The following SERPINB10 variants were observed in gnomAD, a reference collection of about 807,000 sequenced individuals.
SERPINB10 encodes the protein serpin family B member 10.
Under a neutral mutation model 39.1 loss-of-function variants are expected in SERPINB10, and 35 were observed. The observed-to-expected ratio is 0.90, with a 90% CI of 0.68 to 1.19. The LOEUF (loss-of-function observed/expected upper bound fraction) is 1.19, where lower values mean the gene tolerates loss of function less well. Ranked by LOEUF, SERPINB10 falls within the 50% of genes most tolerant of loss-of-function variation. The pLI, the probability that SERPINB10 is intolerant of heterozygous loss-of-function variation, is 0.00. For synonymous variants in SERPINB10, 190 were observed against 158.1 expected (o/e 1.20, Z -1.52); for missense variants, 546 against 460.5 (o/e 1.19, Z -1.70).
rs1036011008 is a variant in SERPINB10 at position 63,926,786 on chromosome 18, A to T, written c.491-3259A>T. Reference sequence around the variant, plus strand: ...TATTAAAACAACTGATGAAATTTAAATATGACCTGTCAATAATATTCTATT... The same window carrying T: ...TATTAAAACAACTGATGAAATTTAATTATGACCTGTCAATAATATTCTATT... On this transcript the variant is annotated intron_variant, in intron 5 of 7. Coordinates refer to ENST00000238508, the MANE Select transcript of SERPINB10 (RefSeq NM_005024.3). Among the ~76,000 whole-genome samples, 7 of 152,198 alleles carry T rather than the reference A, an allele frequency of 4.6e-5. No individual in the cohort carries two copies. The South Asian group carries it at 6.2e-4, about 14-fold the overall frequency.
At chr18:63,913,963 TATAG>T (rs1285892038) in intron 1 of SERPINB10, among the ~76,000 whole-genome samples, 1 of 202 alleles carries the variant, frequency 5.0e-3, no homozygotes, top group Admixed American at 0.17. Flanking sequence ...ATACGTTTAG[TATAG>T]TTAAGTCAGT....
chr18:63,913,786 G>T (rs1392234055), intron 1 of SERPINB10, among the ~76,000 whole-genome samples: 1 of 151,720 alleles, frequency 6.6e-6, no homozygotes, highest in Non-Finnish European at 1.5e-5. Context: ...TTATTAATAA[G>T]TTCAATTGGT....
chr18:63,908,092 G>C (rs1283088516), intron 1 of SERPINB10, 52 bp downstream of exon 1: 1 of 279,978 alleles, frequency 3.6e-6, no homozygotes, highest in African/African-American at 2.3e-5. Flanking sequence ...TTTCTTCTTG[G>C]TTGAAGTGCC....
At chr18:63,918,908 A>G (rs2050124939) in intron 4 of SERPINB10, among the ~76,000 whole-genome samples, 1 of 152,020 alleles carries the variant, frequency 6.6e-6, no homozygotes, top group South Asian at 2.1e-4. Flanking sequence ...AGATAGAGAC[A>G]AACATATTTT....
intron 7 of SERPINB10, 87 bp downstream of exon 7, chr18:63,933,290 C>T (rs2050237720): frequency 7.0e-7 from 1 of 1,422,976 alleles, no homozygotes; most frequent in Non-Finnish European, 9.8e-7. Flanking sequence ...TCCCAATTGT[C>T]CTCAGGAAGA....
chr18:63,908,057 T>C lies in SERPINB10; in HGVS notation c.-10+17T>C, dbSNP rs1258683793. 1 of 315,462 alleles carries C rather than the reference T, an allele frequency of 3.2e-6. No homozygotes were observed. Among genetic ancestry groups the C allele is most frequent in the Non-Finnish European group, 6.6e-6 (1 of 151,680 alleles). 19.5% of individuals were successfully genotyped at this position (315,462 alleles called of 1,614,324 possible). ...GAAAACAAGGTATTGTAAATATTTC[T>C]TTGGTTAATGATTTTATTTATGTTT... is the stretch of plus-strand genomic sequence containing the variant. On this transcript the variant is annotated intron_variant, in intron 1 of 7. Transcript: ENST00000238508.
intron 4 of SERPINB10, among the ~76,000 whole-genome samples, chr18:63,919,315 T>C (rs1159788229): frequency 6.6e-6 from 1 of 151,296 alleles, no homozygotes; most frequent in African/African-American, 2.4e-5. Flanking sequence ...CAGGATATCA[T>C]TTTCTTCAAG....
chr18:63,909,699 A>T (rs760165011), intron 1 of SERPINB10, among the ~76,000 whole-genome samples: 10 of 152,206 alleles, frequency 6.6e-5, no homozygotes, highest in Admixed American at 4.6e-4. Context: ...TTTCATGAAG[A>T]GTGTGGTTTG....
intron 1 of SERPINB10, among the ~76,000 whole-genome samples, chr18:63,909,297 C>T (rs373049702): frequency 9.9e-5 from 15 of 152,046 alleles, no homozygotes; most frequent in African/African-American, 3.4e-4. Flanking sequence ...CATTTGCAGT[C>T]TTCTCTGAAA....
At chr18:63,910,632 T>C (rs1005948041) in intron 1 of SERPINB10, among the ~76,000 whole-genome samples, 4 of 152,020 alleles carry the variant, frequency 2.6e-5, no homozygotes, top group Non-Finnish European at 5.9e-5. Flanking sequence ...CATGATTTAA[T>C]TCCTTCTTTC....
rs2050212890 is a variant in SERPINB10 at position 63,930,255 on chromosome 18, C to G, written c.633+68C>G. 5.9e-6 allele frequency: 9 copies of G among 1,527,912 alleles called. No homozygotes were observed. In the Admixed American group the frequency reaches 1.4e-4, roughly 24 times the overall value. The allele number at this position is 1,527,912 out of a possible 1,614,324, so 94.6% of individuals were successfully genotyped here. A position where few individuals can be genotyped will look rare whatever the true frequency, so the allele number is the denominator to read the frequency against. The stretch of plus-strand genomic sequence containing the variant: ...TGTACAAGTGATTCTCTTATAAATT[C>G]ACTCTTCTTTTAGATTGTATGTTCT... On this transcript the variant is annotated intron_variant, in intron 6 of 7. Coordinates refer to ENST00000238508, the MANE Select transcript of SERPINB10 (RefSeq NM_005024.3).
chr18:63,914,070 A>T (rs769723761), intron 1 of SERPINB10, among the ~76,000 whole-genome samples: 8 of 152,072 alleles, frequency 5.3e-5, no homozygotes, highest in Admixed American at 1.3e-4. Context: ...GTTGTATCTG[A>T]TATAAGAATA....
chr18:63,923,959 T>G (rs1171526956), intron 5 of SERPINB10, among the ~76,000 whole-genome samples: 1 of 151,982 alleles, frequency 6.6e-6, no homozygotes, highest in African/African-American at 2.4e-5. Flanking sequence ...TCTTTTCTCT[T>G]CAAGACTTAT....
At chr18:63,924,917 T>C (rs1297345530) in intron 5 of SERPINB10, among the ~76,000 whole-genome samples, 2 of 151,988 alleles carry the variant, frequency 1.3e-5, no homozygotes, top group Non-Finnish European at 2.9e-5. Context: ...ACAGCATTTT[T>C]GACTATAAAT....
At chr18:63,933,241 C>T (rs371788543) in intron 7 of SERPINB10, 38 bp downstream of exon 7, 1 of 1,609,268 alleles carries the variant, frequency 6.2e-7, no homozygotes, top group Non-Finnish European at 8.5e-7. Context: ...AGGGTGTTTC[C>T]AGTGTTTACT....
At chr18:63,921,194 T>C (rs1210015629) in intron 5 of SERPINB10, among the ~76,000 whole-genome samples, 1 of 151,998 alleles carries the variant, frequency 6.6e-6, no homozygotes, top group African/African-American at 2.4e-5. Context: ...TCATCATTTG[T>C]CATTAATGAA....
chr18:63,920,963 A>G (rs1321926641), intron 5 of SERPINB10, among the ~76,000 whole-genome samples: 1 of 151,974 alleles, frequency 6.6e-6, no homozygotes, highest in Non-Finnish European at 1.5e-5. Flanking sequence ...AAGGAAGCTG[A>G]GATTTTAGAG....
chr18:63,914,804 G>A (rs939831810), intron 1 of SERPINB10, among the ~76,000 whole-genome samples: 1 of 151,946 alleles, frequency 6.6e-6, no homozygotes, highest in Non-Finnish European at 1.5e-5. Context: ...CTGGCCAGCT[G>A]TTTGGTTGCT....
chr18:63,930,925 C>T (rs2050217651), intron 6 of SERPINB10, among the ~76,000 whole-genome samples: 1 of 152,112 alleles, frequency 6.6e-6, no homozygotes, highest in Non-Finnish European at 1.5e-5. Context: ...AGGGATAGGC[C>T]ACAAACAGTG....
Sources: allele counts gnomAD v4.1 joint callset (sites outside exome capture counted in the v4.1 genomes callset), GRCh38; gene constraint gnomAD v4.1.1; transcripts MANE v1.5; gene names NCBI Gene and HGNC (gene_info 2026-07-23, HGNC 2026-07-21).